PKP4: variants seen among roughly 807,000 people sequenced by gnomAD.
PKP4 encodes plakophilin-4.
A neutral mutation model predicts 145.1 loss-of-function variants in PKP4; 90 were observed. The observed-to-expected ratio is 0.62, with a 90% CI of 0.52 to 0.74. PKP4 has a LOEUF of 0.74. Ranked by LOEUF, PKP4 falls within the 30% of genes least tolerant of loss-of-function variation. PKP4 has a pLI of 0.00. For missense variants in PKP4, 1,340 were observed against 1,482.7 expected, an observed-to-expected ratio of 0.90 and a Z score of 1.58; for synonymous variants, 563 against 577.2, an observed-to-expected ratio of 0.98 and a Z score of 0.35.
intron 1 of PKP4, among the ~76,000 whole-genome samples, chr2:158,489,405 C>G (rs1282884246): frequency 6.6e-6 from 1 of 152,148 alleles, no homozygotes; most frequent in Non-Finnish European, 1.5e-5. Flanking sequence ...TATCAATAAC[C>G]CTTCTCAGAA....
intron 2 of PKP4, among the ~76,000 whole-genome samples, chr2:158,576,982 G>A (rs762965824): frequency 6.6e-6 from 1 of 152,166 alleles, no homozygotes; most frequent in South Asian, 2.1e-4. Flanking sequence ...GTAAGGCACT[G>A]TAGCAGAAGT....
Position 158,669,728 on chromosome 2 carries a change from G to A in PKP4, c.2737G>A (p.Ala913Thr). Residue 913 changes from alanine to threonine, a missense_variant, in exon 17 of 22, where the codon GCC becomes ACC. Transcript: ENST00000389759. Reference protein sequence around the residue: ...VRNKELIGKYAMRDLVNRLPG... With the variant: ...VRNKELIGKYTMRDLVNRLPG... ...TCTTTTGCCGTTGGCAGGCAAATAC[G>A]CCATGCGAGACCTGGTCAACCGGCT... 6.4e-7 allele frequency: 1 copy of A among 1,572,352 alleles called. No individual in the cohort carries two copies. Among genetic ancestry groups the A allele is most frequent in the Non-Finnish European group, 8.7e-7 (1 of 1,155,036 alleles).
intron 1 of PKP4, among the ~76,000 whole-genome samples, chr2:158,494,673 T>C (rs1348982399): frequency 6.6e-6 from 1 of 152,222 alleles, no homozygotes; most frequent in African/African-American, 2.4e-5. Context: ...GTGCACTTAA[T>C]GGTTCTTTTA....
At chr2:158,564,311 A>G (rs1403055600) in intron 2 of PKP4, among the ~76,000 whole-genome samples, 1 of 152,076 alleles carries the variant, frequency 6.6e-6, no homozygotes, top group Non-Finnish European at 1.5e-5. Context: ...TAACATAATC[A>G]TATATAATGG....
intron 2 of PKP4, among the ~76,000 whole-genome samples, chr2:158,556,867 C>G (rs1201410198): frequency 1.3e-5 from 2 of 152,108 alleles, no homozygotes; most frequent in Non-Finnish European, 2.9e-5. Context: ...GTAGTGAGAC[C>G]TCTGTTGGAT....
intron 3 of PKP4, among the ~76,000 whole-genome samples, chr2:158,579,369 T>C (rs1481838829): frequency 1.3e-5 from 2 of 151,622 alleles, no homozygotes; most frequent in African/African-American, 2.4e-5. Context: ...AGAAAAGATG[T>C]ATTGAAGAGG....
At chr2:158,548,708 C>G in intron 2 of PKP4, 1 of 223,936 alleles carries the variant, frequency 4.5e-6, no homozygotes, top group East Asian at 1.4e-4. Context: ...AGCAGCTACT[C>G]AGCTGCTTAA....
chr2:158,481,909 A>G (rs576344204), intron 1 of PKP4, among the ~76,000 whole-genome samples: 15 of 152,360 alleles, frequency 9.8e-5, no homozygotes, highest in African/African-American at 3.1e-4. Context: ...TATTATTGAA[A>G]TGGTGCCAAA....
At chr2:158,501,088 C>T (rs1696491950) in intron 1 of PKP4, among the ~76,000 whole-genome samples, 1 of 152,112 alleles carries the variant, frequency 6.6e-6, no homozygotes. Context: ...TTGGAAACTC[C>T]CTAAGGAAGG....
chr2:158,471,567 A>G (rs1200958343), intron 1 of PKP4, among the ~76,000 whole-genome samples: 1 of 152,252 alleles, frequency 6.6e-6, no homozygotes, highest in East Asian at 1.9e-4. Flanking sequence ...GCAGTAGCAG[A>G]GGCTCATCAC....
intron 3 of PKP4, among the ~76,000 whole-genome samples, chr2:158,598,104 G>T (rs970579121): frequency 6.6e-6 from 1 of 152,170 alleles, no homozygotes; most frequent in Non-Finnish European, 1.5e-5. Flanking sequence ...GATTATAGGC[G>T]TGAGCCGCTG....
rs1279294661 is a variant in PKP4 at position 158,577,331 on chromosome 2, CAGCT to C, written c.196_199del (p.Leu66LysfsTer34). 6.2e-7 allele frequency: 1 copy of C among 1,613,510 alleles called. No individual in the cohort carries two copies. The highest frequency in any genetic ancestry group is 8.5e-7 in the Non-Finnish European group (1 of 1,179,824). On this transcript the variant is annotated frameshift_variant, in exon 3 of 22. Coordinates refer to ENST00000389759, the MANE Select transcript of PKP4 (RefSeq NM_003628.6). LOFTEE classifies it high-confidence loss of function. ...AGTGGAAAGGCAGATTGTTGCCAGT[CAGCT>C]AGAAAGATGTAGGCTTGGAGCAGAA...
intron 4 of PKP4, among the ~76,000 whole-genome samples, chr2:158,607,352 CAGCTGG>C (rs770258685): frequency 3.9e-5 from 6 of 152,130 alleles, no homozygotes; most frequent in Non-Finnish European, 7.3e-5. Context: ...AGCCAGGGTT[CAGCTGG>C]GAAAACAGAA....
intron 2 of PKP4, among the ~76,000 whole-genome samples, chr2:158,540,826 C>T (rs980642659): frequency 6.6e-6 from 1 of 152,036 alleles, no homozygotes; most frequent in African/African-American, 2.4e-5. Flanking sequence ...AGCATTGTTT[C>T]GTTTACATTT....
intron 16 of PKP4, among the ~76,000 whole-genome samples, chr2:158,668,101 C>T (rs2057265284): frequency 6.6e-6 from 1 of 151,512 alleles, no homozygotes; most frequent in Non-Finnish European, 1.5e-5. Context: ...CCTCTCAGTG[C>T]ATTTCTGTGT....
chr2:158,503,283 A>G (rs544452214), intron 1 of PKP4, among the ~76,000 whole-genome samples: 1 of 152,298 alleles, frequency 6.6e-6, no homozygotes, highest in South Asian at 2.1e-4. Context: ...TTCAATCCAT[A>G]TTTACTTGGT....
intron 10 of PKP4, among the ~76,000 whole-genome samples, chr2:158,641,350 T>C (rs967954866): frequency 5.3e-5 from 8 of 151,920 alleles, no homozygotes; most frequent in Non-Finnish European, 1.2e-4. Context: ...AAAAAATTAT[T>C]AGGTTAAAAA....
intron 9 of PKP4, among the ~76,000 whole-genome samples, chr2:158,635,054 T>C (rs1157091656): frequency 6.6e-6 from 1 of 152,202 alleles, no homozygotes; most frequent in East Asian, 1.9e-4. Context: ...TTAAGCGCTT[T>C]AGTGTTATTT....
At chr2:158,643,796 T>C (rs952289822) in intron 11 of PKP4, among the ~76,000 whole-genome samples, 6 of 152,032 alleles carry the variant, frequency 3.9e-5, no homozygotes, top group Admixed American at 2.6e-4. Context: ...GACGGAGTCT[T>C]GCTCTGTCAC....
Sources: allele counts gnomAD v4.1 joint callset (sites outside exome capture counted in the v4.1 genomes callset), GRCh38; gene constraint gnomAD v4.1.1; transcripts MANE v1.5; gene names NCBI Gene and HGNC (gene_info 2026-07-23, HGNC 2026-07-21).